The following EIF4G3 variants were observed in gnomAD, a reference collection of about 807,000 sequenced individuals.
EIF4G3 encodes eukaryotic translation initiation factor 4 gamma 3.
In EIF4G3, 34 loss-of-function variants were observed where a neutral mutation model predicts 186.4. That is an observed-to-expected ratio of 0.18 (90% CI 0.14 to 0.24). EIF4G3 has a LOEUF of 0.24. EIF4G3 is among the 10% of genes least tolerant of loss of function. EIF4G3 has a pLI of 1.00. For synonymous variants in EIF4G3, 673 were observed against 679.5 expected, an observed-to-expected ratio of 0.99 and a Z score of 0.15; for missense variants, 1,536 against 1,948.5, an observed-to-expected ratio of 0.79 and a Z score of 3.99.
chr1:20,869,021 T>G (rs2078364664), intron 20 of EIF4G3, among the ~76,000 whole-genome samples: 2 of 152,186 alleles, frequency 1.3e-5, no homozygotes, highest in South Asian at 4.1e-4. Flanking sequence ...AAGGATCAAA[T>G]TCTAGAGAAT....
chr1:21,173,225 C>T (rs1489754160), intron 2 of EIF4G3, among the ~76,000 whole-genome samples: 1 of 144,422 alleles, frequency 6.9e-6, no homozygotes, highest in Non-Finnish European at 1.5e-5. Flanking sequence ...GAGGTGGAGT[C>T]TCACTCTGTA....
Position 20,885,541 on chromosome 1 carries a change from A to G in EIF4G3, c.2424+660T>C, listed in dbSNP as rs138659185. Among the ~76,000 whole-genome samples the G allele has an allele frequency of 5.0e-3, 756 of 152,324 alleles. 6 individuals are homozygous for G. The highest frequency in any genetic ancestry group is 0.017 in the African/African-American group (721 of 41,568). On this transcript the variant is annotated intron_variant, in intron 19 of 36. Coordinates refer to ENST00000602326, the MANE Select transcript of EIF4G3 (RefSeq NM_001391906.1). ...GTGATCTGTGATGCCTGGCTCTGGTACAAGTGTGAATTTTAAGAGACTCCA... is the reference window on the plus strand; with the variant it reads ...GTGATCTGTGATGCCTGGCTCTGGTGCAAGTGTGAATTTTAAGAGACTCCA...
At chr1:21,068,192 G>A (rs914576745) in intron 3 of EIF4G3, among the ~76,000 whole-genome samples, 3 of 151,494 alleles carry the variant, frequency 2.0e-5, no homozygotes, top group Non-Finnish European at 4.4e-5. Flanking sequence ...GGCCAACATG[G>A]TGAAACCCTG....
intron 18 of EIF4G3, among the ~76,000 whole-genome samples, chr1:20,890,662 C>T (rs577084041): frequency 7.2e-5 from 11 of 151,800 alleles, no homozygotes; most frequent in Non-Finnish European, 1.5e-4. Flanking sequence ...TACCATGTTG[C>T]CCAGGCTGGT....
Position 20,899,879 on chromosome 1 carries a change from T to C in EIF4G3, c.1817A>G (p.Gln606Arg). 1 of 1,614,132 alleles carries C rather than the reference T, an allele frequency of 6.2e-7. No individual in the cohort carries two copies. The highest frequency in any genetic ancestry group is 8.5e-7 in the Non-Finnish European group (1 of 1,179,994). Residue 606 changes from glutamine to arginine, a missense_variant, in exon 16 of 37, where the codon CAG becomes CGG. Physicochemically the swap from Gln to Arg is conservative, Grantham distance 43. Transcript: ENST00000602326. ...VLESEQDKMS[Q>R]GFHPERDPSD... Reference sequence around the variant, plus strand: ...GGGGTCTCTTTCAGGATGAAACCCCTGGCTCATTTTATCTTGTTCAGATTC... The same window carrying C: ...GGGGTCTCTTTCAGGATGAAACCCCCGGCTCATTTTATCTTGTTCAGATTC...
chr1:20,868,841 G>C lies in EIF4G3; in HGVS notation c.2623-3579C>G, dbSNP rs187461994. 5.3e-5 allele frequency among the ~76,000 whole-genome samples: 8 copies of C among 152,264 alleles called. No homozygotes were observed. In the East Asian group the frequency reaches 1.5e-3, roughly 29 times the overall value. ...GCACCTAGCTTTTTATTTTTACACA[G>C]TAGTAAACTAACAATGTGGCATTAG... is the stretch of plus-strand genomic sequence containing the variant. On this transcript the variant is annotated intron_variant, in intron 20 of 36. Transcript: ENST00000602326.
At chr1:20,893,795 G>C (rs1349425077) in intron 17 of EIF4G3, among the ~76,000 whole-genome samples, 159 bp from the exon 18 acceptor site, 1 of 151,144 alleles carries the variant, frequency 6.6e-6, no homozygotes, top group African/African-American at 2.4e-5. Flanking sequence ...AGCTTCTCCT[G>C]GGCTACTCTT....
rs148286767 is a variant in EIF4G3, at chr1:21,077,692, C to T, written c.-196+11446G>A. Among the ~76,000 whole-genome samples the T allele has an allele frequency of 2.8e-3, 419 of 151,546 alleles. 1 individual carries two copies. The highest frequency in any genetic ancestry group is 6.8e-3 in the Middle Eastern group (2 of 292). On this transcript the variant is annotated intron_variant, in intron 3 of 36. Coordinates refer to ENST00000602326, the MANE Select transcript of EIF4G3 (RefSeq NM_001391906.1). ...GGTTGGGAATTCGAGACCAGGCTGACCAACATGGAGAAACCCCATCTCTAC... is the reference window on the plus strand; with the variant it reads ...GGTTGGGAATTCGAGACCAGGCTGATCAACATGGAGAAACCCCATCTCTAC...
intron 19 of EIF4G3, among the ~76,000 whole-genome samples, chr1:20,880,479 G>A (rs770272237): frequency 1.3e-5 from 2 of 152,194 alleles, no homozygotes; most frequent in South Asian, 2.1e-4. Flanking sequence ...AAGGTCAGGC[G>A]TGGTGGCTCA....
At chr1:21,059,771 AG>A (rs1191245886) in intron 3 of EIF4G3, among the ~76,000 whole-genome samples, 1 of 152,226 alleles carries the variant, frequency 6.6e-6, no homozygotes, top group African/African-American at 2.4e-5. Flanking sequence ...TTTAATTCTG[AG>A]GGTTGCTTTT....
chr1:21,173,857 T>G (rs1000181879), intron 2 of EIF4G3, among the ~76,000 whole-genome samples: 1 of 152,166 alleles, frequency 6.6e-6, no homozygotes, highest in Non-Finnish European at 1.5e-5. Flanking sequence ...AATGACCACT[T>G]GCGTCAAATA....
At position 20,950,119 on chromosome 1, in the gene EIF4G3, T is replaced by A; in HGVS notation, c.715-8A>T. The A allele has an allele frequency of 6.4e-7, 1 of 1,571,262 alleles. No homozygotes were observed. Among genetic ancestry groups the A allele is most frequent in the South Asian group, 1.2e-5 (1 of 84,386 alleles). On this transcript the variant is annotated splice_region_variant and splice_polypyrimidine_tract_variant and intron_variant, in intron 12 of 36. Coordinates refer to ENST00000602326, the MANE Select transcript of EIF4G3 (RefSeq NM_001391906.1). Reference sequence around the variant, plus strand: ...GACCTGGCTGGGCAGCTGCTGGGATTTGAAGTACAAAAAAGGGTGATAATG... The same window carrying A: ...GACCTGGCTGGGCAGCTGCTGGGATATGAAGTACAAAAAAGGGTGATAATG...
chr1:20,910,288 C>CTAA lies in EIF4G3; in HGVS notation c.1664-5320_1664-5318dup, dbSNP rs2092984995. 2.6e-5 allele frequency among the ~76,000 whole-genome samples: 4 copies of CTAA among 152,026 alleles called. No individual in the cohort carries two copies. In the South Asian group the frequency reaches 6.3e-4, roughly 24 times the overall value. Reference sequence around the variant, plus strand: ...CATTTTATTCAAAAGTAAATAGGAACTAAAAAAACCTTCTTGGCTGGGCAT... The same window carrying CTAA: ...CATTTTATTCAAAAGTAAATAGGAACTAATAAAAAAACCTTCTTGGCTGGGCAT... On this transcript the variant is annotated intron_variant, in intron 14 of 36. Transcript: ENST00000602326.
chr1:20,815,120 TC>T (rs943020634), intron 34 of EIF4G3, among the ~76,000 whole-genome samples: 1 of 77,832 alleles, frequency 1.3e-5, no homozygotes, highest in African/African-American at 4.7e-5. Context: ...AGTGGCGTGA[TC>T]TCAGCTCACT....
At chr1:21,131,040 G>C (rs1319097380) in intron 2 of EIF4G3, among the ~76,000 whole-genome samples, 1 of 151,914 alleles carries the variant, frequency 6.6e-6, no homozygotes, top group Non-Finnish European at 1.5e-5. Flanking sequence ...AGGAGTTCAA[G>C]ACCAGGCTGG....
intron 2 of EIF4G3, among the ~76,000 whole-genome samples, chr1:21,139,060 CTT>C (rs1294670012): frequency 6.6e-6 from 1 of 152,044 alleles, no homozygotes; most frequent in Non-Finnish European, 1.5e-5. Flanking sequence ...TAGTTTCTAA[CTT>C]TGACCAATTA....
intron 19 of EIF4G3, among the ~76,000 whole-genome samples, chr1:20,882,514 G>A (rs868174084): frequency 6.6e-6 from 1 of 151,806 alleles, no homozygotes; most frequent in Non-Finnish European, 1.5e-5. Flanking sequence ...CCAACTACTC[G>A]GGAGGCTGAG....
chr1:20,850,954 G>A (rs928771962), intron 28 of EIF4G3, among the ~76,000 whole-genome samples: 1 of 152,142 alleles, frequency 6.6e-6, no homozygotes, highest in African/African-American at 2.4e-5. Context: ...CAATCTAACA[G>A]CAACGTCAAG....
chr1:21,062,928 T>G (rs190046187), intron 3 of EIF4G3, among the ~76,000 whole-genome samples: 127 of 152,322 alleles, frequency 8.3e-4, no homozygotes, highest in African/African-American at 2.9e-3. Context: ...CTGCTGATGC[T>G]GGGACAGAAT....
Sources: gnomAD v4.1 joint callset for allele counts (sites outside exome capture counted in the v4.1 genomes callset) on GRCh38, gnomAD v4.1.1 for gene constraint, MANE v1.5 for transcripts, NCBI Gene and HGNC (gene_info 2026-07-23, HGNC 2026-07-21) for gene names.